PLCE1: variants seen among roughly 807,000 people sequenced by gnomAD.
PLCE1 encodes 1-phosphatidylinositol 4,5-bisphosphate phosphodiesterase epsilon-1.
In PLCE1, 119 loss-of-function variants were observed where a neutral mutation model predicts 242.8. The ratio of observed to expected loss-of-function variants is 0.49; its 90% CI spans 0.42 to 0.57. PLCE1 has a LOEUF of 0.57. Among genes scored for constraint, PLCE1 ranks in the 20% least tolerant of loss-of-function variants. PLCE1 has a pLI of 0.00. For synonymous variants in PLCE1, 945 were observed against 1,017.4 expected (o/e 0.93, Z 1.35); for missense variants, 2,441 against 2,788.8 (o/e 0.88, Z 2.81).
At chr10:94,140,432 A>G (rs779562640) in intron 3 of PLCE1, among the ~76,000 whole-genome samples, 9 of 151,734 alleles carry the variant, frequency 5.9e-5, no homozygotes, top group African/African-American at 1.7e-4. Flanking sequence ...AGTCCCAGCT[A>G]CTTAGGAGGC....
At chr10:94,019,938 G>A (rs2061348492) in intron 1 of PLCE1, among the ~76,000 whole-genome samples, 1 of 152,162 alleles carries the variant, frequency 6.6e-6, no homozygotes, top group African/African-American at 2.4e-5. Context: ...GTTGTTTTCA[G>A]TTGGGGGCTA....
chr10:94,272,052 C>A (rs778376715), intron 18 of PLCE1, among the ~76,000 whole-genome samples: 3 of 152,166 alleles, frequency 2.0e-5, no homozygotes, highest in African/African-American at 7.2e-5. Context: ...CTACGTTCAG[C>A]GGTGTACGTA....
rs188336093 is a variant in PLCE1 at position 94,278,614 on chromosome 10, C to A, written c.4666-1168C>A. ...TCCTTTGTAACCATTTCATTTTATG[C>A]ATTTAAAACATCATTCTGAGAAGGG... is the stretch of plus-strand genomic sequence containing the variant. On this transcript the variant is annotated intron_variant, in intron 19 of 32. Coordinates refer to ENST00000371380, the MANE Select transcript of PLCE1 (RefSeq NM_016341.4). Among the ~76,000 whole-genome samples, 278 of 152,222 alleles carry A rather than the reference C, an allele frequency of 1.8e-3. 2 individuals carry two copies. The highest frequency in any genetic ancestry group is 3.0e-3 in the Non-Finnish European group (206 of 68,010).
intron 1 of PLCE1, among the ~76,000 whole-genome samples, chr10:93,996,411 TGA>T (rs1380647828): frequency 6.6e-6 from 1 of 152,062 alleles, no homozygotes; most frequent in African/African-American, 2.4e-5. Context: ...GGAAGACAGG[TGA>T]TTAGGAAACA....
intron 32 of PLCE1, among the ~76,000 whole-genome samples, chr10:94,327,485 G>C (rs1235924324): frequency 6.6e-6 from 1 of 152,186 alleles, no homozygotes; most frequent in South Asian, 2.1e-4. Flanking sequence ...TGAGGCAGGA[G>C]AATTGCTTGA....
rs1163145335 is a variant in PLCE1, at chr10:94,097,058, C to T, written c.1207-35116C>T. Among the ~76,000 whole-genome samples the T allele has an allele frequency of 2.0e-5, 3 of 152,292 alleles. No homozygotes were observed. The South Asian group carries it at 6.2e-4, about 32-fold the overall frequency. On this transcript the variant is annotated intron_variant, in intron 2 of 32. Transcript: ENST00000371380. ...TGAAAGGATCACACTGATTACCCAACTACCCCTCTCCTTTAACTGATGATG... is the reference window on the plus strand; with the variant it reads ...TGAAAGGATCACACTGATTACCCAATTACCCCTCTCCTTTAACTGATGATG...
intron 2 of PLCE1, among the ~76,000 whole-genome samples, chr10:94,048,036 T>C (rs78253764): frequency 0.011 from 1,620 of 152,328 alleles, 18 homozygotes; most frequent in Middle Eastern, 0.044. Context: ...CTGTGTACAA[T>C]CTTTTGGGAC....
chr10:94,102,312 G>A (rs900242343), intron 2 of PLCE1, among the ~76,000 whole-genome samples: 1 of 152,178 alleles, frequency 6.6e-6, no homozygotes, highest in East Asian at 1.9e-4. Context: ...ACACCCAAGT[G>A]TACCAATTTC....
In PLCE1 at chr10:94,324,226, G is replaced by A; in HGVS notation, c.6502-123G>A. On this transcript the variant is annotated intron_variant, in intron 30 of 32. Transcript: ENST00000371380. The stretch of plus-strand genomic sequence containing the variant: ...AACTGCAAAATGAGTTGGATGAAAT[G>A]ATCTGGAAGATCCCCTTCATCTCTA... The A allele has an allele frequency of 1.9e-5, 15 of 803,516 alleles. 1 individual carries two copies. The South Asian group carries it at 1.9e-4, about 10-fold the overall frequency. 49.8% of individuals were successfully genotyped at this position (803,516 alleles called of 1,614,324 possible). A position where few individuals can be genotyped will look rare whatever the true frequency, so the allele number is the denominator to read the frequency against.
At chr10:94,040,902 GT>G (rs1290394184) in intron 2 of PLCE1, among the ~76,000 whole-genome samples, 12 of 152,092 alleles carry the variant, frequency 7.9e-5, no homozygotes, top group Non-Finnish European at 8.8e-5. Context: ...ATTAATAAGG[GT>G]TAGGGAGCAC....
At chr10:94,115,821 T>C (rs1409420524) in intron 2 of PLCE1, among the ~76,000 whole-genome samples, 1 of 152,160 alleles carries the variant, frequency 6.6e-6, no homozygotes, top group Non-Finnish European at 1.5e-5. Context: ...GACTGTGGCT[T>C]CCTCTTGACT....
chr10:94,261,496 T>G (rs916344944), intron 13 of PLCE1, among the ~76,000 whole-genome samples: 1 of 152,226 alleles, frequency 6.6e-6, no homozygotes, highest in Non-Finnish European at 1.5e-5. Flanking sequence ...CATAAGTTTT[T>G]CCATCATTTG....
At chr10:94,069,721 A>G (rs2044298507) in intron 2 of PLCE1, among the ~76,000 whole-genome samples, 1 of 152,242 alleles carries the variant, frequency 6.6e-6, no homozygotes. Context: ...GGATTTAAGA[A>G]CCACAGTTCT....
chr10:94,257,739 G>A (rs1350254315), intron 11 of PLCE1, among the ~76,000 whole-genome samples: 1 of 152,196 alleles, frequency 6.6e-6, no homozygotes, highest in East Asian at 1.9e-4. Context: ...CTTGGACACA[G>A]GGCGGGGAAT....
intron 2 of PLCE1, among the ~76,000 whole-genome samples, chr10:94,093,180 G>T (rs77254398): frequency 0.015 from 2,238 of 152,172 alleles, 55 homozygotes; most frequent in African/African-American, 0.041. Flanking sequence ...TTGGTTGCCT[G>T]GTAAAATTGC....
In PLCE1 at chr10:94,324,882, GT is replaced by G. The variant is rs1393162507; in HGVS notation, c.6721-8del. The G allele has an allele frequency of 1.9e-6, 3 of 1,613,660 alleles. No individual in the cohort carries two copies. In the Admixed American group the frequency reaches 5.0e-5, roughly 27 times the overall value. ...ACCTAACACCAATGGAAGGTTCTTT[GT>G]TCCCACAGGCATCTCGAGAAGATAA... is the stretch of plus-strand genomic sequence containing the variant. On this transcript the variant is annotated splice_polypyrimidine_tract_variant and intron_variant, in intron 31 of 32. Coordinates refer to ENST00000371380, the MANE Select transcript of PLCE1 (RefSeq NM_016341.4).
intron 2 of PLCE1, among the ~76,000 whole-genome samples, chr10:94,087,349 C>CAAAAAAAA (rs57482986): frequency 1.5e-5 from 1 of 67,504 alleles, no homozygotes; most frequent in African/African-American, 5.9e-5. Flanking sequence ...GACCCTGTCT[C>CAAAAAAAA]AAAAAAAAAA....
intron 2 of PLCE1, among the ~76,000 whole-genome samples, chr10:94,118,426 G>C (rs1002148209): frequency 8.1e-6 from 1 of 122,706 alleles, no homozygotes; most frequent in Non-Finnish European, 1.8e-5. Flanking sequence ...GTTTGGCTCT[G>C]TGTCCCCACC....
At chr10:94,209,782 T>A (rs1349355400) in intron 4 of PLCE1, among the ~76,000 whole-genome samples, 1 of 152,200 alleles carries the variant, frequency 6.6e-6, no homozygotes, top group African/African-American at 2.4e-5. Flanking sequence ...TCAAATGCCA[T>A]ATCTAGAAAT....
Sources: gnomAD v4.1 joint callset for allele counts (sites outside exome capture counted in the v4.1 genomes callset) on GRCh38, gnomAD v4.1.1 for gene constraint, MANE v1.5 for transcripts, NCBI Gene and HGNC (gene_info 2026-07-23, HGNC 2026-07-21) for gene names.